Variants in FIGN observed in about 807,000 individuals in gnomAD.
FIGN encodes the protein fidgetin, microtubule severing factor.
Under a neutral mutation model 51.3 loss-of-function variants are expected in FIGN, and 11 were observed. That is an observed-to-expected ratio of 0.21 (90% CI 0.13 to 0.35). FIGN has a LOEUF of 0.35. Ranked by LOEUF, FIGN falls within the 10% of genes least tolerant of loss-of-function variation. FIGN has a pLI of 1.00. For missense variants in FIGN, 857 were observed against 943.6 expected (o/e 0.91, Z 1.20); for synonymous variants, 407 against 363.2 (o/e 1.12, Z -1.37).
At chr2:163,685,622 A>G (rs1208326806) in intron 2 of FIGN, among the ~76,000 whole-genome samples, 2 of 152,234 alleles carry the variant, frequency 1.3e-5, no homozygotes, top group African/African-American at 4.8e-5. Context: ...CATCAATCAG[A>G]AGGCTGAGCC....
At position 163,672,021 on chromosome 2, in the gene FIGN, T is replaced by C. The variant is rs186581424; in HGVS notation, c.26-60215A>G. Among the ~76,000 whole-genome samples the C allele has an allele frequency of 3.2e-3, 480 of 152,250 alleles. 3 individuals carry two copies. The highest frequency in any genetic ancestry group is 3.5e-3 in the Non-Finnish European group (235 of 68,006). ...GGCTCTAGAAATGCCAGTTTCTAAA[T>C]TGATGTCAAAGTATTACACATGTGT... On this transcript the variant is annotated intron_variant, in intron 2 of 2. Transcript: ENST00000333129.
chr2:163,702,508 A>G (rs1373947282), intron 2 of FIGN, among the ~76,000 whole-genome samples: 1 of 152,140 alleles, frequency 6.6e-6, no homozygotes, highest in Non-Finnish European at 1.5e-5. Flanking sequence ...AGCACCTTGC[A>G]TGTAGTGGTA....
intron 2 of FIGN, among the ~76,000 whole-genome samples, chr2:163,704,495 A>T (rs1264462713): frequency 4.6e-5 from 7 of 151,980 alleles, no homozygotes; most frequent in Admixed American, 4.6e-4. Flanking sequence ...GGCTTTGGTG[A>T]TGTTACATAG....
At chr2:163,647,799 G>A (rs1683405447) in intron 2 of FIGN, among the ~76,000 whole-genome samples, 2 of 152,148 alleles carry the variant, frequency 1.3e-5, no homozygotes, top group Admixed American at 1.3e-4. Context: ...ATATTTTTAT[G>A]TTAGATGTAT....
intron 2 of FIGN, among the ~76,000 whole-genome samples, chr2:163,703,918 T>C (rs1237162219): frequency 1.3e-5 from 2 of 152,118 alleles, no homozygotes; most frequent in Non-Finnish European, 2.9e-5. Context: ...TTACCAGCAT[T>C]ACAAAACAGC....
intron 2 of FIGN, among the ~76,000 whole-genome samples, chr2:163,660,092 C>A (rs1199318501): frequency 2.0e-5 from 3 of 151,408 alleles, no homozygotes; most frequent in Admixed American, 2.0e-4. Context: ...CAGAGCAAGA[C>A]TCTATCTCAA....
At chr2:163,672,455 C>G (rs1573940948) in intron 2 of FIGN, among the ~76,000 whole-genome samples, 1 of 152,178 alleles carries the variant, frequency 6.6e-6, no homozygotes, top group South Asian at 2.1e-4. Context: ...GCTTTCATGC[C>G]TTAGTTACAT....
chr2:163,672,984 A>G (rs1341321757), intron 2 of FIGN, among the ~76,000 whole-genome samples: 1 of 152,222 alleles, frequency 6.6e-6, no homozygotes, highest in Non-Finnish European at 1.5e-5. Context: ...GTTACATTTT[A>G]CATTATTGAT....
In FIGN at chr2:163,610,535, C is replaced by T. The variant is rs147892601; in HGVS notation, c.1297G>A (p.Glu433Lys). The T allele has an allele frequency of 4.9e-5, 79 of 1,614,140 alleles. No homozygotes were observed. In the East Asian group the frequency reaches 1.6e-3, roughly 32 times the overall value. ...TSPVMSEHGD[E>K]HRQLLSHPMQ... ...GGGTGAGAGAGGAGCTGCCTGTGCT[C>T]GTCCCCATGCTCACTCATTACTGGC... The change falls in exon 3 of 3, where the codon GAG (glutamate) becomes AAG (lysine). Residue 433 changes from glutamate (E) to lysine (K), a missense_variant. By Grantham distance (56) the Glu-to-Lys change is moderately conservative. Transcript: ENST00000333129.
At position 163,609,506 on chromosome 2, in the gene FIGN, G is replaced by A. The variant is rs771769509; in HGVS notation, c.*46C>T. On this transcript the variant is annotated 3_prime_UTR_variant, in exon 3 of 3. Transcript: ENST00000333129. ...CTATTCCCTATGTAGCAGGTTTTAT[G>A]TGTGTGTGCCAACATTCATTACATT... is the stretch of plus-strand genomic sequence containing the variant. The A allele has an allele frequency of 5.3e-6, 8 of 1,517,966 alleles. No homozygotes were observed. In the East Asian group the frequency reaches 1.4e-4, roughly 26 times the overall value. 94.0% of individuals were successfully genotyped at this position (1,517,966 alleles called of 1,614,324 possible).
intron 2 of FIGN, among the ~76,000 whole-genome samples, chr2:163,697,069 C>T (rs187270741): frequency 8.4e-4 from 126 of 149,464 alleles, no homozygotes; most frequent in African/African-American, 3.0e-3. Context: ...GCACTAAGCA[C>T]ATTGTGTCAT....
Position 163,678,345 on chromosome 2 carries a change from C to T in FIGN, c.25+56558G>A, listed in dbSNP as rs544688030. ...AACTGATTCTCCCGCCTCAGCCTCC[C>T]GAGTAGCTGGGATTACAGGTGCCTG... On this transcript the variant is annotated intron_variant, in intron 2 of 2. Transcript: ENST00000333129. Among the ~76,000 whole-genome samples the T allele has an allele frequency of 4.6e-5, 7 of 152,174 alleles. No individual in the cohort carries two copies. In the South Asian group the frequency reaches 8.3e-4, roughly 18 times the overall value.
intron 2 of FIGN, among the ~76,000 whole-genome samples, chr2:163,687,483 A>G (rs1228544600): frequency 6.6e-6 from 1 of 152,130 alleles, no homozygotes; most frequent in Non-Finnish European, 1.5e-5. Context: ...TTGCTCCCCA[A>G]AGAATAATTT....
chr2:163,610,704 A>G lies in FIGN; in HGVS notation c.1128T>C (p.Phe376=), dbSNP rs936491195. ...DRSAETSSLA[F]KPTKQLMSSE... ...AGGACATTAGCTGCTTCGTTGGCTTAAATGCTAAGGATGATGTTTCAGCAC... is the reference window on the plus strand; with the variant it reads ...AGGACATTAGCTGCTTCGTTGGCTTGAATGCTAAGGATGATGTTTCAGCAC... Residue 376 remains phenylalanine, a synonymous_variant, in exon 3 of 3, where the codon TTT becomes TTC. Transcript: ENST00000333129. 4 of 1,614,094 alleles carry G rather than the reference A, an allele frequency of 2.5e-6. No individual in the cohort carries two copies. The African/African-American group carries it at 5.3e-5, about 22-fold the overall frequency.
rs1335642567 is a variant in FIGN at position 163,609,678 on chromosome 2, G to A, written c.2154C>T (p.Pro718=). 6 of 1,613,964 alleles carry A rather than the reference G, an allele frequency of 3.7e-6. No individual in the cohort carries two copies. In the African/African-American group the frequency reaches 4.0e-5, roughly 11 times the overall value. ...MPATDLSAIM[P]SQLRPVTYQD... ...GATATGTAACGGGCCTCAACTGGCT[G>A]GGCATAATGGCTGAAAGGTCTGTGG... The change falls in exon 3 of 3, where the codon CCC becomes CCT. Residue 718 remains proline, a synonymous_variant. Transcript: ENST00000333129.
At chr2:163,714,764 GAA>G (rs1684643191) in intron 2 of FIGN, among the ~76,000 whole-genome samples, 1 of 152,184 alleles carries the variant, frequency 6.6e-6, no homozygotes, top group Non-Finnish European at 1.5e-5. Context: ...GCAGCTTCTT[GAA>G]AATTAATCTT....
Position 163,611,066 on chromosome 2 carries a change from T to G in FIGN, c.766A>C (p.Thr256Pro). Residue 256 changes from threonine (T) to proline (P), a missense_variant, in exon 3 of 3, where the codon ACT (threonine) becomes CCT (proline). Physicochemically the swap from Thr to Pro is conservative, Grantham distance 38. This residue lies in a region of FIGN where 799 missense variants were observed against 849.5 expected (regional missense o/e 0.94). Coordinates refer to ENST00000333129, the MANE Select transcript of FIGN (RefSeq NM_018086.4). ...GGGCTGTACCCAGACCCCACAGCAG[T>G]CTGAGGAGGATAGCTAGCAGACGGA... The part of the protein sequence containing the change: ...SYPSASYPPQ[T>P]AVGSGYSPGG... 1 of 1,613,804 alleles carries G rather than the reference T, an allele frequency of 6.2e-7. No individual in the cohort carries two copies. Among genetic ancestry groups the G allele is most frequent in the Non-Finnish European group, 8.5e-7 (1 of 1,179,940 alleles).
intron 2 of FIGN, among the ~76,000 whole-genome samples, chr2:163,697,026 C>T (rs34499146): frequency 0.046 from 6,896 of 151,162 alleles, 190 homozygotes; most frequent in African/African-American, 0.065. Context: ...AGAATTTAAG[C>T]GCTTATTAAA....
chr2:163,635,101 T>C (rs904724509), intron 2 of FIGN, among the ~76,000 whole-genome samples: 4 of 152,248 alleles, frequency 2.6e-5, no homozygotes, highest in African/African-American at 9.6e-5. Context: ...ATACCTACTA[T>C]GTGTATGCTT....
Sources: allele counts gnomAD v4.1 joint callset (sites outside exome capture counted in the v4.1 genomes callset), GRCh38; gene constraint gnomAD v4.1.1; regional missense constraint gnomAD v4.1.1; transcripts MANE v1.5; gene names NCBI Gene and HGNC (gene_info 2026-07-23, HGNC 2026-07-21).